CRACDL: variants seen among roughly 807,000 people sequenced by gnomAD.
CRACDL encodes the protein CRACD-like protein.
In CRACDL, 26 loss-of-function variants were observed where a neutral mutation model predicts 70.6. The observed-to-expected ratio is 0.37, with a 90% CI of 0.27 to 0.51. The LOEUF (loss-of-function observed/expected upper bound fraction) is 0.51. CRACDL is among the 20% of genes least tolerant of loss of function. CRACDL has a pLI of 0.94. For synonymous variants in CRACDL, 618 were observed against 615.2 expected (o/e 1.00, Z -0.07); for missense variants, 1,283 against 1,376.9 (o/e 0.93, Z 1.08).
chr2:98,819,522 GGCA>G (rs1704933449), intron 7 of CRACDL, among the ~76,000 whole-genome samples: 1 of 152,212 alleles, frequency 6.6e-6, no homozygotes, highest in African/African-American at 2.4e-5. Context: ...CTACTGCAGT[GGCA>G]GCAGCAACAC....
At position 98,865,354 on chromosome 2, in the gene CRACDL, A is replaced by G. The variant is rs558754889; in HGVS notation, c.-10-18544T>C. ...GTGTCAAGACCTCCCGCGACATACT[A>G]TGGGAGACCCTGTGCCTTTTGTTCA... On this transcript the variant is annotated intron_variant, in intron 1 of 9. Coordinates refer to ENST00000397899, the MANE Select transcript of CRACDL (RefSeq NM_207362.3). Among the ~76,000 whole-genome samples, 22 of 152,136 alleles carry G rather than the reference A, an allele frequency of 1.4e-4. 1 individual carries two copies. In the South Asian group the frequency reaches 4.6e-3, roughly 32 times the overall value.
intron 1 of CRACDL, among the ~76,000 whole-genome samples, chr2:98,850,156 C>T (rs1191339974): frequency 1.3e-5 from 2 of 152,228 alleles, no homozygotes; most frequent in Non-Finnish European, 2.9e-5. Context: ...AGGACAAACA[C>T]CTGGCTTTCC....
intron 1 of CRACDL, among the ~76,000 whole-genome samples, chr2:98,866,566 C>CAA (rs1366238811): frequency 6.9e-6 from 1 of 145,350 alleles, no homozygotes; most frequent in African/African-American, 2.5e-5. Flanking sequence ...TGGCTCACTG[C>CAA]AACCTCCTCC....
chr2:98,795,075 A>AGATTTTTTTTTT (rs1703751125), intron 9 of CRACDL, among the ~76,000 whole-genome samples: 1 of 24,456 alleles, frequency 4.1e-5, no homozygotes. Flanking sequence ...ATATATATAT[A>AGATTTTTTTTTT]TATTTTTTTT....
intron 4 of CRACDL, 23 bp from the exon 5 acceptor site, chr2:98,832,535 T>A: frequency 6.5e-7 from 1 of 1,542,354 alleles, no homozygotes; most frequent in Admixed American, 2.0e-5. Flanking sequence ...AAAGAACATG[T>A]GCTCTTATTT....
chr2:98,795,399 A>G (rs1053917380), intron 9 of CRACDL, among the ~76,000 whole-genome samples: 1 of 152,058 alleles, frequency 6.6e-6, no homozygotes, highest in African/African-American at 2.4e-5. Flanking sequence ...ATACTGATAC[A>G]TGCAACAACA....
rs577631399 is a variant in CRACDL at position 98,822,851 on chromosome 2, G to A, written c.1422C>T (p.Thr474=). Residue 474 remains threonine (T), a synonymous_variant, in exon 7 of 10, where the codon ACC becomes ACT. Coordinates refer to ENST00000397899, the MANE Select transcript of CRACDL (RefSeq NM_207362.3). This position sits in a 1 kb window ranked among gnomAD's most constrained non-coding sequence, Gnocchi z 4.9. ...AETEPERGAG[T]EPERIGTEPS... ...GCTCGGTCCCAATTCTCTCGGGCTC[G>A]GTCCCCGCTCCTCTCTCGGGCTCCG... 6 of 1,445,188 alleles carry A rather than the reference G, an allele frequency of 4.2e-6. No homozygotes were observed. In the African/African-American group the frequency reaches 5.9e-5, roughly 14 times the overall value. 89.5% of individuals were successfully genotyped at this position (1,445,188 alleles called of 1,614,324 possible). A position where few individuals can be genotyped will look rare whatever the true frequency, so the allele number is the denominator to read the frequency against.
At chr2:98,852,170 G>A (rs1021019344) in intron 1 of CRACDL, among the ~76,000 whole-genome samples, 4 of 152,110 alleles carry the variant, frequency 2.6e-5, no homozygotes, top group African/African-American at 9.7e-5. Context: ...TCAGAGAGAG[G>A]AGCACCAAAA....
intron 3 of CRACDL, among the ~76,000 whole-genome samples, chr2:98,834,875 A>C (rs1705704073): frequency 6.6e-6 from 1 of 152,236 alleles, no homozygotes; most frequent in Non-Finnish European, 1.5e-5. Flanking sequence ...GAACAACAAC[A>C]AGAAAACCAA....
At chr2:98,878,557 C>G (rs1050545180) in intron 1 of CRACDL, among the ~76,000 whole-genome samples, 9 of 152,148 alleles carry the variant, frequency 5.9e-5, no homozygotes, top group Non-Finnish European at 1.2e-4. Flanking sequence ...CATGTTCCTG[C>G]TATTAAGTGA....
At chr2:98,891,342 A>C (rs1017711459) in intron 1 of CRACDL, among the ~76,000 whole-genome samples, 5 of 135,838 alleles carry the variant, frequency 3.7e-5, no homozygotes, top group African/African-American at 1.1e-4. Flanking sequence ...ACGCTACTGC[A>C]CTCCAGCTTG....
Position 98,794,444 on chromosome 2 carries a change from TCA to T in CRACDL, c.*86_*87del, listed in dbSNP as rs1703715492. The T allele has an allele frequency of 8.5e-7, 1 of 1,180,040 alleles. No individual in the cohort carries two copies. Among genetic ancestry groups the T allele is most frequent in the Middle Eastern group, 2.1e-4 (1 of 4,876 alleles). The allele number at this position is 1,180,040 out of a possible 1,614,324, so 73.1% of individuals were successfully genotyped here. A position where few individuals can be genotyped will look rare whatever the true frequency, so the allele number is the denominator to read the frequency against. The stretch of plus-strand genomic sequence containing the variant: ...TGATGATAAAATCAATCTTTAAGTT[TCA>T]CAGTTTGTTTGCCACAATACACTGG... On this transcript the variant is annotated 3_prime_UTR_variant, in exon 10 of 10. Transcript: ENST00000397899.
At chr2:98,871,117 T>C (rs895807060) in intron 1 of CRACDL, among the ~76,000 whole-genome samples, 1 of 152,198 alleles carries the variant, frequency 6.6e-6, no homozygotes, top group African/African-American at 2.4e-5. Flanking sequence ...AGCAGAAAAT[T>C]TCAGTTTTCT....
intron 7 of CRACDL, among the ~76,000 whole-genome samples, chr2:98,811,702 T>C (rs1048729671): frequency 2.2e-4 from 34 of 152,088 alleles, no homozygotes; most frequent in Admixed American, 2.2e-3. Flanking sequence ...CAGACTCTCC[T>C]CCTACTCCCA....
chr2:98,821,948 G>GTGCGGGAGCGTGAAGCTC lies in CRACDL; in HGVS notation c.2307_2324dup (p.Gln769_Pro774dup). The GTGCGGGAGCGTGAAGCTC allele has an allele frequency of 1.3e-6, 2 of 1,552,658 alleles. No homozygotes were observed. Among genetic ancestry groups the GTGCGGGAGCGTGAAGCTC allele is most frequent in the Non-Finnish European group, 1.7e-6 (2 of 1,151,876 alleles). ...GGCCGGCGTCGGGGGGCGCGGGCTG[G>GTGCGGGAGCGTGAAGCTC]TGCGGGAGCGTGAAGCTCTGCAGAA... On this transcript the variant is annotated inframe_insertion, in exon 7 of 10. Transcript: ENST00000397899.
chr2:98,794,294 G>C lies in CRACDL; in HGVS notation c.*238C>G. On this transcript the variant is annotated 3_prime_UTR_variant, in exon 10 of 10. Transcript: ENST00000397899. ...GACACATTCGTACCTTTGGGCACAG[G>C]AACTGGTTCCTGGACTTTTTCAATG... 1 of 416,678 alleles carries C rather than the reference G, an allele frequency of 2.4e-6. No individual in the cohort carries two copies. The highest frequency in any genetic ancestry group is 3.7e-5 in the East Asian group (1 of 26,690). The allele number at this position is 416,678 out of a possible 1,614,324, so 25.8% of individuals were successfully genotyped here. A position where few individuals can be genotyped will look rare whatever the true frequency, so the allele number is the denominator to read the frequency against.
At chr2:98,805,330 T>C (rs778531174) in intron 7 of CRACDL, among the ~76,000 whole-genome samples, 7 of 152,080 alleles carry the variant, frequency 4.6e-5, no homozygotes, top group Non-Finnish European at 1.0e-4. Flanking sequence ...ACTAGGTGCT[T>C]GAGAGTGACC....
chr2:98,815,205 G>A (rs1704732155), intron 7 of CRACDL, among the ~76,000 whole-genome samples: 1 of 152,132 alleles, frequency 6.6e-6, no homozygotes, highest in South Asian at 2.1e-4. Flanking sequence ...TTTTCCTCGA[G>A]AATTTTTTAG....
intron 1 of CRACDL, among the ~76,000 whole-genome samples, chr2:98,853,587 T>C (rs941290993): frequency 1.3e-5 from 2 of 152,138 alleles, no homozygotes; most frequent in Admixed American, 6.5e-5. Flanking sequence ...ATAGAAAGAA[T>C]GAAGCATAAT....
Sources: allele counts gnomAD v4.1 joint callset (sites outside exome capture counted in the v4.1 genomes callset), GRCh38; gene constraint gnomAD v4.1.1; non-coding constraint Gnocchi (gnomAD v3.1); transcripts MANE v1.5; gene names NCBI Gene and HGNC (gene_info 2026-07-23, HGNC 2026-07-21).